TYR: variants seen among roughly 807,000 people sequenced by gnomAD.
TYR encodes the protein tyrosinase.
TYR carries 58 observed loss-of-function variants against 51.5 expected under a neutral mutation model. The ratio of observed to expected loss-of-function variants is 1.13; its 90% CI spans 0.91 to 1.40. TYR has a LOEUF of 1.40. Among genes scored for constraint, TYR ranks in the 40% most tolerant of loss-of-function variants. The pLI is 0.00. For synonymous variants in TYR, 263 were observed against 235.2 expected (o/e 1.12, Z -1.08); for missense variants, 732 against 647.4 (o/e 1.13, Z -1.42).
At position 89,294,028 on chromosome 11, in the gene TYR, AT is replaced by A. The variant is rs146465537; in HGVS notation, c.1367-1106del. 3.0e-4 allele frequency: 54 copies of A among 179,634 alleles called. 2 individuals carry two copies. The highest frequency in any genetic ancestry group is 6.0e-4 in the African/African-American group (25 of 41,512). 11.1% of individuals were successfully genotyped at this position (179,634 alleles called of 1,614,324 possible). ...GATAAAGACTTTCTTTCTTTTTGTA[AT>A]TTTTTTTTACCAGGTTTTTTAGAAT... On this transcript the variant is annotated intron_variant, in intron 4 of 4. Transcript: ENST00000263321.
At chr11:89,249,469 G>GT (rs1400461603) in intron 3 of TYR, among the ~76,000 whole-genome samples, 1 of 71,616 alleles carries the variant, frequency 1.4e-5, no homozygotes, top group Non-Finnish European at 2.6e-5. Flanking sequence ...AAGCCATGTA[G>GT]CCAAAAAAAA....
chr11:89,243,837 T>A (rs917181871), intron 3 of TYR, among the ~76,000 whole-genome samples: 4 of 152,150 alleles, frequency 2.6e-5, no homozygotes, highest in African/African-American at 9.7e-5. Flanking sequence ...TGTGTATTTA[T>A]AATTGTTGGG....
At chr11:89,211,824 G>C (rs1329391449) in intron 2 of TYR, among the ~76,000 whole-genome samples, 2 of 152,142 alleles carry the variant, frequency 1.3e-5, no homozygotes, top group African/African-American at 4.8e-5. Flanking sequence ...CATGGAAACT[G>C]AACAACCTGC....
chr11:89,242,060 T>C (rs2135292262), intron 3 of TYR, among the ~76,000 whole-genome samples: 1 of 152,198 alleles, frequency 6.6e-6, no homozygotes, highest in East Asian at 1.9e-4. Context: ...TTTGGCATAG[T>C]GAAGAGCATG....
chr11:89,262,520 C>T (rs760314703), intron 3 of TYR, among the ~76,000 whole-genome samples: 3 of 145,734 alleles, frequency 2.1e-5, no homozygotes, highest in South Asian at 2.2e-4. Context: ...ATAGAGAATA[C>T]GAACACAGTA....
intron 3 of TYR, among the ~76,000 whole-genome samples, chr11:89,246,162 T>C (rs1184350807): frequency 1.9e-5 from 2 of 107,408 alleles, no homozygotes; most frequent in Admixed American, 1.7e-4. Flanking sequence ...CATCCACCAC[T>C]AAAACTCACA....
chr11:89,219,791 T>C (rs1943884224), intron 2 of TYR, among the ~76,000 whole-genome samples: 1 of 152,108 alleles, frequency 6.6e-6, no homozygotes, highest in South Asian at 2.1e-4. Context: ...TGGAGTCCTG[T>C]GATAGGAAGC....
intron 1 of TYR, among the ~76,000 whole-genome samples, chr11:89,186,765 G>T (rs1051824832): frequency 6.6e-6 from 1 of 152,140 alleles, no homozygotes; most frequent in African/African-American, 2.4e-5. Flanking sequence ...AATTTCCAGT[G>T]TGACTATTTG....
At chr11:89,196,182 A>T (rs79169709) in intron 2 of TYR, among the ~76,000 whole-genome samples, 2,537 of 152,294 alleles carry the variant, frequency 0.017, 62 homozygotes, top group African/African-American at 0.057. Context: ...GTTACTGACA[A>T]CTTAGCAATC....
intron 4 of TYR, 27 bp downstream of exon 4, chr11:89,284,981 T>C: frequency 1.9e-6 from 3 of 1,590,102 alleles, no homozygotes; most frequent in East Asian, 2.2e-5. Context: ...TTCAGAGGAA[T>C]TGCTGAATCT....
chr11:89,295,051 G>A (rs1375010432), intron 4 of TYR, 92 bp from the exon 5 acceptor site: 40 of 1,565,006 alleles, frequency 2.6e-5, no homozygotes, highest in Non-Finnish European at 3.5e-5. Flanking sequence ...AAACCCAGGT[G>A]TCTACTCCAA....
chr11:89,205,474 C>G (rs1943661370), intron 2 of TYR, among the ~76,000 whole-genome samples: 1 of 152,000 alleles, frequency 6.6e-6, no homozygotes, highest in Non-Finnish European at 1.5e-5. Flanking sequence ...CTTCTAAAAA[C>G]TAAAACAAAT....
rs200996718 is a variant in TYR at position 89,216,431 on chromosome 11, TG to T, written c.1037-11391del. On this transcript the variant is annotated intron_variant, in intron 2 of 4. Coordinates refer to ENST00000263321, the MANE Select transcript of TYR (RefSeq NM_000372.5). ...AAACTCAAGGCTGAGGTGCACTGAT[TG>T]CCTCAGCTCTGGAGTTTGACACGAG... Among the ~76,000 whole-genome samples the T allele has an allele frequency of 3.6e-3, 543 of 152,052 alleles. 11 individuals carry two copies. Among genetic ancestry groups the T allele is most frequent in the Admixed American group, 0.033 (503 of 15,246 alleles).
chr11:89,231,154 G>C (rs1269215646), intron 3 of TYR, among the ~76,000 whole-genome samples: 1 of 145,746 alleles, frequency 6.9e-6, no homozygotes, highest in Non-Finnish European at 1.5e-5. Flanking sequence ...CTGAGTGACA[G>C]GGTGAGACTT....
At chr11:89,270,076 A>G (rs574409530) in intron 3 of TYR, among the ~76,000 whole-genome samples, 2 of 151,866 alleles carry the variant, frequency 1.3e-5, no homozygotes, top group Non-Finnish European at 2.9e-5. Flanking sequence ...CAGCTTTTAA[A>G]CTAATATTGA....
chr11:89,212,705 CTG>C (rs1420777642), intron 2 of TYR, among the ~76,000 whole-genome samples: 1 of 152,170 alleles, frequency 6.6e-6, no homozygotes, highest in African/African-American at 2.4e-5. Flanking sequence ...TACTGGCAAA[CTG>C]AGTCCAACAG....
intron 3 of TYR, among the ~76,000 whole-genome samples, chr11:89,275,287 C>T (rs1439227755): frequency 6.6e-6 from 1 of 151,860 alleles, no homozygotes; most frequent in Non-Finnish European, 1.5e-5. Flanking sequence ...CCTGCTAATG[C>T]TTGGAACAAA....
chr11:89,191,061 C>T, intron 1 of TYR, 141 bp from the exon 2 acceptor site: 3 of 740,354 alleles, frequency 4.1e-6, no homozygotes, highest in Admixed American at 2.3e-5. Flanking sequence ...CAGAACATAT[C>T]CCTGTCATTA....
intron 1 of TYR, among the ~76,000 whole-genome samples, chr11:89,179,626 G>A (rs1277877071): frequency 1.3e-5 from 2 of 152,084 alleles, no homozygotes; most frequent in Non-Finnish European, 2.9e-5. Context: ...GGATGTGACT[G>A]CTGTGATATC....
Sources: allele counts gnomAD v4.1 joint callset (sites outside exome capture counted in the v4.1 genomes callset), GRCh38; gene constraint gnomAD v4.1.1; transcripts MANE v1.5; gene names NCBI Gene and HGNC (gene_info 2026-07-23, HGNC 2026-07-21).